The following LHX4 variants were observed in gnomAD, a reference collection of about 807,000 sequenced individuals.
LHX4 encodes the protein LIM/homeobox protein Lhx4.
LHX4 carries 16 observed loss-of-function variants against 39.2 expected under a neutral mutation model. The observed-to-expected ratio is 0.41, with a 90% CI of 0.28 to 0.62. The LOEUF (loss-of-function observed/expected upper bound fraction) is 0.62, where lower values mean the gene tolerates loss of function less well. LHX4 is among the 20% of genes least tolerant of loss of function. The pLI, the probability that LHX4 is intolerant of heterozygous loss-of-function variation, is 0.33. For missense variants in LHX4, 439 were observed against 511.9 expected (o/e 0.86, Z 1.37); for synonymous variants, 206 against 198.1 (o/e 1.04, Z -0.33).
chr1:180,247,898 T>C (rs76778917), intron 1 of LHX4, among the ~76,000 whole-genome samples: 6,293 of 152,186 alleles, frequency 0.041, 169 homozygotes, highest in African/African-American at 0.075. Context: ...CAATCACTTG[T>C]GAAAATGTCG....
At chr1:180,269,723 C>T (rs907606767) in intron 3 of LHX4, 1 of 152,196 alleles carries the variant, frequency 6.6e-6, no homozygotes, top group South Asian at 2.1e-4. Flanking sequence ...TTCCCATTTG[C>T]ATAATTCAAA....
rs1343531047 is a variant in LHX4, at chr1:180,266,115, G to A, written c.249-277G>A. 2.0e-5 allele frequency among the ~76,000 whole-genome samples: 3 copies of A among 152,156 alleles called. No individual in the cohort carries two copies. The highest frequency in any genetic ancestry group is 4.8e-5 in the African/African-American group (2 of 41,424). On this transcript the variant is annotated intron_variant, in intron 2 of 5. Transcript: ENST00000263726. The surrounding 1 kb of genome is among the most constrained non-coding windows in gnomAD (Gnocchi z 5.7). ...CCCTGTGAATTGATGGGTGTTAATC[G>A]GGCAGCTGGAATCCGGGGGCATCAG...
At chr1:180,263,824 A>C (rs1196554126) in intron 2 of LHX4, among the ~76,000 whole-genome samples, 2 of 152,048 alleles carry the variant, frequency 1.3e-5, no homozygotes, top group Non-Finnish European at 2.9e-5. Flanking sequence ...CCTGTGGAGG[A>C]GGCTGCTGAA....
chr1:180,255,689 G>A (rs1647826147), intron 2 of LHX4, among the ~76,000 whole-genome samples: 1 of 152,220 alleles, frequency 6.6e-6, no homozygotes, highest in Admixed American at 6.5e-5. Flanking sequence ...CCCAGGGACC[G>A]AGGCTGTAAA....
chr1:180,263,645 T>G (rs1271911202), intron 2 of LHX4, among the ~76,000 whole-genome samples: 1 of 152,246 alleles, frequency 6.6e-6, no homozygotes, highest in Non-Finnish European at 1.5e-5. Flanking sequence ...GAAGTCCACT[T>G]ATTTTTCATT....
At chr1:180,243,693 TC>T (rs953793895) in intron 1 of LHX4, among the ~76,000 whole-genome samples, 10 of 151,930 alleles carry the variant, frequency 6.6e-5, no homozygotes, top group African/African-American at 2.4e-4. Flanking sequence ...GGCTGCTGCT[TC>T]CCGCCCTCCT....
chr1:180,240,221 G>A (rs355636), intron 1 of LHX4, among the ~76,000 whole-genome samples: 81,785 of 152,016 alleles, frequency 0.54, 24,268 homozygotes, highest in African/African-American at 0.81. Context: ...TATAATAGAG[G>A]TAGGGGCTCA....
rs542271080 is a variant in LHX4, at chr1:180,266,271, G to C, written c.249-121G>C. 1.9e-5 allele frequency: 17 copies of C among 907,776 alleles called. No individual in the cohort carries two copies. In the East Asian group the frequency reaches 3.2e-4, roughly 17 times the overall value. 56.2% of individuals were successfully genotyped at this position (907,776 alleles called of 1,614,324 possible). A position where few individuals can be genotyped will look rare whatever the true frequency, so the allele number is the denominator to read the frequency against. On this transcript the variant is annotated intron_variant, in intron 2 of 5. Coordinates refer to ENST00000263726, the MANE Select transcript of LHX4 (RefSeq NM_033343.4). The surrounding 1 kb of genome is among the most constrained non-coding windows in gnomAD (Gnocchi z 5.7). ...ACCAGACGGTAAGCTCTGGGTGACT[G>C]GGGGGTGAGGCTCATGGAGTCCCGG...
At chr1:180,261,371 G>A (rs890113481) in intron 2 of LHX4, among the ~76,000 whole-genome samples, 5 of 151,820 alleles carry the variant, frequency 3.3e-5, no homozygotes, top group African/African-American at 9.7e-5. Flanking sequence ...TGACAGCAGA[G>A]GCAAAGGGGA....
chr1:180,255,711 T>C (rs945331494), intron 2 of LHX4, among the ~76,000 whole-genome samples: 1 of 152,192 alleles, frequency 6.6e-6, no homozygotes, highest in East Asian at 1.9e-4. Context: ...CAGGAGGTGA[T>C]GAGTCGGAGG....
intron 1 of LHX4, among the ~76,000 whole-genome samples, chr1:180,238,561 G>A (rs113901861): frequency 0.068 from 10,372 of 152,168 alleles, 422 homozygotes; most frequent in African/African-American, 0.088. Context: ...GGCTGGCCCA[G>A]CTCTCTTTCT....
At chr1:180,244,607 C>A (rs1189341234) in intron 1 of LHX4, among the ~76,000 whole-genome samples, 1 of 152,194 alleles carries the variant, frequency 6.6e-6, no homozygotes, top group Non-Finnish European at 1.5e-5. Context: ...GGGCATATAT[C>A]CTCACCCTCA....
At chr1:180,241,830 GT>G (rs1167381108) in intron 1 of LHX4, among the ~76,000 whole-genome samples, 1 of 151,444 alleles carries the variant, frequency 6.6e-6, no homozygotes, top group Non-Finnish European at 1.5e-5. Flanking sequence ...TTTTGTTTTT[GT>G]TTTTGAGACA....
chr1:180,246,865 G>A (rs946175808), intron 1 of LHX4, among the ~76,000 whole-genome samples: 10 of 152,178 alleles, frequency 6.6e-5, no homozygotes, highest in East Asian at 3.8e-4. Context: ...ATTATTTAGC[G>A]ATAAACATCT....
At chr1:180,270,073 G>A (rs1648547230) in intron 3 of LHX4, 1 of 152,266 alleles carries the variant, frequency 6.6e-6, no homozygotes, top group Non-Finnish European at 1.5e-5. Context: ...GATCAGGGCA[G>A]GCCGTGTTGC....
At chr1:180,258,485 G>A (rs1647965140) in intron 2 of LHX4, among the ~76,000 whole-genome samples, 1 of 152,218 alleles carries the variant, frequency 6.6e-6, no homozygotes, top group Non-Finnish European at 1.5e-5. Flanking sequence ...GAGGGCGAGG[G>A]TGTGACTTAG....
intron 1 of LHX4, among the ~76,000 whole-genome samples, chr1:180,241,544 C>T (rs1664445255): frequency 6.6e-6 from 1 of 152,096 alleles, no homozygotes; most frequent in South Asian, 2.1e-4. Context: ...CTGATGTGGC[C>T]ATAACACAGC....
At chr1:180,260,886 T>G (rs1571277819) in intron 2 of LHX4, among the ~76,000 whole-genome samples, 1 of 151,820 alleles carries the variant, frequency 6.6e-6, no homozygotes, top group Non-Finnish European at 1.5e-5. Context: ...CCCGGTTCTC[T>G]CGCTCGTTGC....
intron 1 of LHX4, among the ~76,000 whole-genome samples, chr1:180,235,624 C>G (rs948004748): frequency 6.6e-6 from 1 of 152,232 alleles, no homozygotes; most frequent in African/African-American, 2.4e-5. Flanking sequence ...AGCCTCGGCT[C>G]CCCACTCGGT....
Sources: gnomAD v4.1 joint callset for allele counts (sites outside exome capture counted in the v4.1 genomes callset) on GRCh38, gnomAD v4.1.1 for gene constraint, Gnocchi (gnomAD v3.1) non-coding constraint, MANE v1.5 for transcripts, NCBI Gene and HGNC (gene_info 2026-07-23, HGNC 2026-07-21) for gene names.